The following PTPRD variants were observed in gnomAD, a reference collection of about 807,000 sequenced individuals.
The protein encoded by PTPRD is receptor-type tyrosine-protein phosphatase delta.
A neutral mutation model predicts 214.5 loss-of-function variants in PTPRD; 34 were observed. The ratio of observed to expected loss-of-function variants is 0.16; its 90% CI spans 0.12 to 0.21. The LOEUF is 0.21. PTPRD is among the 10% of genes least tolerant of loss of function. The pLI, the probability that PTPRD is intolerant of heterozygous loss-of-function variation, is 1.00. For synonymous variants in PTPRD, 1,128 were observed against 845.7 expected (o/e 1.33, Z -5.79); for missense variants, 2,545 against 2,398.7 (o/e 1.06, Z -1.27).
chr9:10,563,013 T>G (rs1297267052), intron 2 of PTPRD, among the ~76,000 whole-genome samples: 1 of 152,160 alleles, frequency 6.6e-6, no homozygotes, highest in Non-Finnish European at 1.5e-5. Context: ...TAAGGCCTAA[T>G]AAGGAAGTGA....
chr9:8,946,067 A>G (rs980590183), intron 11 of PTPRD, among the ~76,000 whole-genome samples: 3 of 152,172 alleles, frequency 2.0e-5, no homozygotes, highest in East Asian at 3.9e-4. Context: ...ATACAAAACT[A>G]GGAACATCCT....
chr9:8,591,668 G>A (rs2094117250), intron 14 of PTPRD, among the ~76,000 whole-genome samples: 1 of 152,102 alleles, frequency 6.6e-6, no homozygotes, highest in South Asian at 2.1e-4. Flanking sequence ...ACGTCTAGTT[G>A]GCTAAATTAC....
At chr9:9,671,477 A>G (rs569448841) in intron 7 of PTPRD, among the ~76,000 whole-genome samples, 13 of 152,146 alleles carry the variant, frequency 8.5e-5, no homozygotes, top group African/African-American at 2.4e-4. Flanking sequence ...GGGAGGCATA[A>G]TTGGTTTTGA....
intron 11 of PTPRD, among the ~76,000 whole-genome samples, chr9:8,833,850 T>C (rs2097353760): frequency 1.3e-5 from 2 of 151,408 alleles, no homozygotes; most frequent in Non-Finnish European, 3.0e-5. Flanking sequence ...TCCACCTCTC[T>C]TTAAAGAAAA....
chr9:9,595,405 C>G (rs12350167), intron 7 of PTPRD, among the ~76,000 whole-genome samples: 1 of 143,772 alleles, frequency 7.0e-6, no homozygotes, highest in Admixed American at 7.0e-5. Flanking sequence ...TACATATATA[C>G]ATATATATAC....
chr9:8,581,799 G>A (rs1262460049), intron 14 of PTPRD, among the ~76,000 whole-genome samples: 2 of 148,828 alleles, frequency 1.3e-5, no homozygotes, highest in Non-Finnish European at 3.0e-5. Flanking sequence ...GGGAGGAGAG[G>A]TGAGGGGAGG....
chr9:9,319,377 G>T (rs1965205779), intron 9 of PTPRD, among the ~76,000 whole-genome samples: 2 of 152,176 alleles, frequency 1.3e-5, no homozygotes, highest in South Asian at 4.2e-4. Flanking sequence ...CATTCTTCTT[G>T]TTATGTAATA....
At chr9:9,961,152 A>G (rs1217650805) in intron 4 of PTPRD, among the ~76,000 whole-genome samples, 1 of 152,174 alleles carries the variant, frequency 6.6e-6, no homozygotes, top group Admixed American at 6.5e-5. Context: ...ATACATATAT[A>G]TGCATATATT....
At chr9:9,296,309 T>A (rs797015942) in intron 9 of PTPRD, among the ~76,000 whole-genome samples, 35 of 151,880 alleles carry the variant, frequency 2.3e-4, no homozygotes, top group African/African-American at 7.7e-4. Flanking sequence ...TACTGTACTG[T>A]CAGTGGAACC....
intron 3 of PTPRD, among the ~76,000 whole-genome samples, chr9:10,325,355 C>T (rs957725904): frequency 5.3e-5 from 8 of 151,890 alleles, no homozygotes; most frequent in African/African-American, 1.9e-4. Flanking sequence ...CACTTAAATC[C>T]CCATTCTGGC....
At chr9:9,311,670 C>T (rs370057299) in intron 9 of PTPRD, among the ~76,000 whole-genome samples, 4 of 152,248 alleles carry the variant, frequency 2.6e-5, no homozygotes, top group African/African-American at 7.2e-5. Flanking sequence ...AAAAACTCCT[C>T]TCTGACAACC....
At chr9:9,332,119 G>C (rs1208283271) in intron 9 of PTPRD, among the ~76,000 whole-genome samples, 2 of 152,046 alleles carry the variant, frequency 1.3e-5, no homozygotes, top group Non-Finnish European at 2.9e-5. Flanking sequence ...GCAATACACA[G>C]AAAATGATTT....
At chr9:8,349,393 G>A (rs1302313227) in intron 39 of PTPRD, among the ~76,000 whole-genome samples, 1 of 151,502 alleles carries the variant, frequency 6.6e-6, no homozygotes, top group Non-Finnish European at 1.5e-5. Flanking sequence ...CTCTTTTTTT[G>A]TTCACCCATC....
chr9:9,992,804 A>C (rs1289510556), intron 4 of PTPRD, among the ~76,000 whole-genome samples: 1 of 150,718 alleles, frequency 6.6e-6, no homozygotes, highest in East Asian at 2.0e-4. Flanking sequence ...CTGCTGGGGG[A>C]TGGGGAGAGG....
chr9:9,649,324 C>T (rs1242509306), intron 7 of PTPRD, among the ~76,000 whole-genome samples: 1 of 152,138 alleles, frequency 6.6e-6, no homozygotes, highest in Non-Finnish European at 1.5e-5. Flanking sequence ...CTACATATTA[C>T]ATTTTAGAGT....
intron 3 of PTPRD, among the ~76,000 whole-genome samples, chr9:10,245,871 C>G (rs7043549): frequency 0.55 from 83,601 of 151,842 alleles, 24,679 homozygotes; most frequent in East Asian, 0.73. Flanking sequence ...TTTCTTAAAG[C>G]TTCAAGAATG....
intron 2 of PTPRD, among the ~76,000 whole-genome samples, chr9:10,553,346 A>G (rs1047799631): frequency 6.8e-6 from 1 of 146,566 alleles, no homozygotes; most frequent in South Asian, 2.2e-4. Flanking sequence ...AACAATCTTT[A>G]TTTTTTTTTT....
chr9:9,579,888 A>T (rs1177739363), intron 7 of PTPRD, among the ~76,000 whole-genome samples: 1 of 152,210 alleles, frequency 6.6e-6, no homozygotes, highest in East Asian at 1.9e-4. Context: ...ATTGTCAATC[A>T]ACCCAAGCTC....
intron 2 of PTPRD, among the ~76,000 whole-genome samples, chr9:10,521,165 GAGC>G (rs1368034921): frequency 1.3e-5 from 2 of 151,964 alleles, no homozygotes; most frequent in Non-Finnish European, 2.9e-5. Flanking sequence ...TGACTCATGG[GAGC>G]AGATCACAGT....
Sources: allele counts gnomAD v4.1 joint callset (sites outside exome capture counted in the v4.1 genomes callset), GRCh38; gene constraint gnomAD v4.1.1; transcripts MANE v1.5; gene names NCBI Gene and HGNC (gene_info 2026-07-23, HGNC 2026-07-21).